IL16: variants seen among roughly 807,000 people sequenced by gnomAD.
IL16 encodes pro-interleukin-16.
In IL16, 67 loss-of-function variants were observed where a neutral mutation model predicts 110.1. The ratio of observed to expected loss-of-function variants is 0.61; its 90% CI spans 0.50 to 0.75. IL16 has a LOEUF of 0.75. Among genes scored for constraint, IL16 ranks in the 30% least tolerant of loss-of-function variants. The pLI is 0.00. For missense variants in IL16, 1,545 were observed against 1,655.0 expected, an observed-to-expected ratio of 0.93 and a Z score of 1.15; for synonymous variants, 689 against 662.9, an observed-to-expected ratio of 1.04 and a Z score of -0.61.
Position 81,300,069 on chromosome 15 carries a change from A to G in IL16, c.2743A>G (p.Arg915Gly). 3 of 1,567,752 alleles carry G rather than the reference A, an allele frequency of 1.9e-6. No individual in the cohort carries two copies. The highest frequency in any genetic ancestry group is 2.6e-6 in the Non-Finnish European group (3 of 1,159,020). The change falls in exon 14 of 19, where the codon AGA becomes GGA. Residue 915 changes from arginine (R) to glycine (G), a missense_variant. Around this residue, in one of 3 missense-constraint regions of IL16, gnomAD observed 1,185 missense variants for 1,238.8 expected, o/e 0.96. Coordinates refer to ENST00000683961, the MANE Select transcript of IL16 (RefSeq NM_172217.5). The part of the protein sequence containing the change: ...SSGSPAASEA[R>G]DPGVSESPPP... ...GGGGTCCCCTGCAGCCTCCGAGGCC[A>G]GAGACCCAGGTGTGTCTGAGTCCCC...
intron 2 of IL16, among the ~76,000 whole-genome samples, chr15:81,229,782 C>G (rs72478426): frequency 0.13 from 19,480 of 152,140 alleles, 1,552 homozygotes; most frequent in South Asian, 0.3. Context: ...CCTGCCTCCC[C>G]TCGCCAGAGT....
At chr15:81,302,492 G>A (rs78490044) in intron 15 of IL16, among the ~76,000 whole-genome samples, 86 of 152,278 alleles carry the variant, frequency 5.6e-4, no homozygotes, top group African/African-American at 2.1e-3. Context: ...TGAGAGAGTT[G>A]GGCTAGTGTT....
In IL16 at chr15:81,282,644, G is replaced by A. The variant is rs756994663; in HGVS notation, c.1087G>A (p.Gly363Ser). The A allele has an allele frequency of 2.5e-5, 40 of 1,611,936 alleles. No homozygotes were observed. The highest frequency in any genetic ancestry group is 6.7e-5 in the African/African-American group (5 of 74,932). The change falls in exon 9 of 19, where the codon GGC (glycine) becomes AGC (serine). Residue 363 changes from glycine (G) to serine (S), a missense_variant. Transcript: ENST00000683961. ...MVEVSLQKEA[G>S]VGLGIGLCSV... ...CCGCCCTGTTCTGCTTCCAGAGGCC[G>A]GCGTGGGCCTGGGCATCGGCCTGTG... is the stretch of plus-strand genomic sequence containing the variant.
chr15:81,304,739 C>A (rs904268748), intron 16 of IL16, among the ~76,000 whole-genome samples: 1 of 152,164 alleles, frequency 6.6e-6, no homozygotes. Context: ...CATTGAGGAA[C>A]CTGAGGCTCA....
intron 1 of IL16, among the ~76,000 whole-genome samples, chr15:81,219,747 C>G (rs997488433): frequency 6.6e-6 from 1 of 152,168 alleles, no homozygotes; most frequent in Non-Finnish European, 1.5e-5. Context: ...GGTTGGTTAC[C>G]TGGAGTGCAT....
At chr15:81,185,737 T>TGTAACAGGGAACTGGCCTA (rs1366795028) in intron 1 of IL16, among the ~76,000 whole-genome samples, 1 of 152,184 alleles carries the variant, frequency 6.6e-6, no homozygotes, top group Non-Finnish European at 1.5e-5. Flanking sequence ...TATGGGAGGC[T>TGTAACAGGGAACTGGCCTA]GTAACAGGGA....
At chr15:81,243,163 ATTTTTTT>A (rs1219851899) in intron 2 of IL16, among the ~76,000 whole-genome samples, 42 of 15,006 alleles carry the variant, frequency 2.8e-3, no homozygotes, top group African/African-American at 8.9e-3. Context: ...ATATATATAT[ATTTTTTT>A]TTTTTTTTTT....
chr15:81,309,033 AAG>A lies in IL16; in HGVS notation c.*240_*241del. 2.3e-6 allele frequency: 1 copy of A among 436,810 alleles called. No homozygotes were observed. The highest frequency in any genetic ancestry group is 4.0e-6 in the Non-Finnish European group (1 of 247,032). The allele number at this position is 436,810 out of a possible 1,614,324, so 27.1% of individuals were successfully genotyped here. The stretch of plus-strand genomic sequence containing the variant: ...TGATACAAATTGCAGACTGTGTAAA[AAG>A]AGAGCTTAATGATAATATTGTGGTG... On this transcript the variant is annotated 3_prime_UTR_variant, in exon 19 of 19. Coordinates refer to ENST00000683961, the MANE Select transcript of IL16 (RefSeq NM_172217.5).
chr15:81,198,388 TC>T (rs1221940663), intron 1 of IL16, among the ~76,000 whole-genome samples: 1 of 152,060 alleles, frequency 6.6e-6, no homozygotes, highest in East Asian at 1.9e-4. Flanking sequence ...CCAGCTTGAC[TC>T]CAAAATCCAT....
chr15:81,197,411 G>C (rs1258655150), intron 1 of IL16, among the ~76,000 whole-genome samples: 1 of 152,182 alleles, frequency 6.6e-6, no homozygotes, highest in Non-Finnish European at 1.5e-5. Context: ...GCTTGACCTG[G>C]CTCTGCAGCA....
rs1899078530 is a variant in IL16, at chr15:81,279,630, C to T, written c.937C>T (p.Leu313=). The change falls in exon 8 of 19, where the codon CTG becomes TTG. Residue 313 remains leucine (L), a synonymous_variant. Coordinates refer to ENST00000683961, the MANE Select transcript of IL16 (RefSeq NM_172217.5). ...LTAPPSLCSH[L]SPPLCRSLSS... is the part of the protein sequence containing the mutation. ...GGCGCCTCCTTCCCTGTGCAGCCAC[C>T]TGTCTCCCCCACTGTGCCGCTCCCT... 2.5e-6 allele frequency: 4 copies of T among 1,614,098 alleles called. No individual in the cohort carries two copies. The highest frequency in any genetic ancestry group is 3.3e-5 in the Admixed American group (2 of 60,016).
Position 81,299,996 on chromosome 15 carries a change from G to A in IL16, c.2670G>A (p.Gly890=). Residue 890 remains glycine (G), a synonymous_variant, in exon 14 of 19, where the codon GGG becomes GGA. Coordinates refer to ENST00000683961, the MANE Select transcript of IL16 (RefSeq NM_172217.5). ...EGRFSGLLGR[G]AAPTLVPQQP... ...GGTTTTCTGGACTCTTGGGGCGAGG[G>A]GCTGCACCCACTCTTGTGCCCCAGC... 1 of 1,592,162 alleles carries A rather than the reference G, an allele frequency of 6.3e-7. No homozygotes were observed. The highest frequency in any genetic ancestry group is 8.6e-7 in the Non-Finnish European group (1 of 1,168,760).
intron 1 of IL16, among the ~76,000 whole-genome samples, chr15:81,187,494 C>T (rs1378359257): frequency 6.6e-6 from 1 of 152,066 alleles, no homozygotes; most frequent in Non-Finnish European, 1.5e-5. Context: ...ACTTGGAAGG[C>T]CGAGGCAGGA....
At position 81,222,375 on chromosome 15, in the gene IL16, T is replaced by G. The variant is rs1247071270; in HGVS notation, c.-101-2924T>G. Among the ~76,000 whole-genome samples the G allele has an allele frequency of 2.4e-4, 18 of 75,372 alleles. No individual in the cohort carries two copies. In the Admixed American group the frequency reaches 2.7e-3, roughly 11 times the overall value. 49.4% of individuals were successfully genotyped at this position (75,372 alleles called of 152,430 possible). A position where few individuals can be genotyped will look rare whatever the true frequency, so the allele number is the denominator to read the frequency against. On this transcript the variant is annotated intron_variant, in intron 1 of 18. Transcript: ENST00000683961. ...GAGAAGAGCTACTATTCCAGGAGGG[T>G]TTTTTTTTTTTTTTTTAAGCAAAAA...
intron 6 of IL16, among the ~76,000 whole-genome samples, chr15:81,275,067 G>A (rs372551722): frequency 5.3e-5 from 8 of 152,024 alleles, no homozygotes; most frequent in African/African-American, 1.4e-4. Context: ...AGGGCGGGGC[G>A]GGTCAGAGAG....
At position 81,271,483 on chromosome 15, in the gene IL16, C is replaced by A. The variant is rs183436715; in HGVS notation, c.676-1607C>A. ...GGGAGACGCTATCTCTAATGAATAT[C>A]TCTGTGTGTATGTGTGTATATAGAT... On this transcript the variant is annotated intron_variant, in intron 5 of 18. Coordinates refer to ENST00000683961, the MANE Select transcript of IL16 (RefSeq NM_172217.5). 2.6e-3 allele frequency among the ~76,000 whole-genome samples: 389 copies of A among 152,006 alleles called. 2 individuals carry two copies. The highest frequency in any genetic ancestry group is 8.5e-3 in the African/African-American group (352 of 41,492).
Position 81,197,121 on chromosome 15 carries a change from G to A in IL16, c.-133G>A, listed in dbSNP as rs924762465. On this transcript the variant is annotated 5_prime_UTR_variant, in exon 1 of 19. Transcript: ENST00000683961. ...GAGCAAGGGAGATGGCAGCCCCGGG[G>A]GACTGTGCATAGGGAGGTAGGTGGG... 1.0e-5 allele frequency: 13 copies of A among 1,288,834 alleles called. No homozygotes were observed. The highest frequency in any genetic ancestry group is 1.3e-5 in the Non-Finnish European group (13 of 988,574). 79.8% of individuals were successfully genotyped at this position (1,288,834 alleles called of 1,614,324 possible). A position where few individuals can be genotyped will look rare whatever the true frequency, so the allele number is the denominator to read the frequency against.
intron 2 of IL16, among the ~76,000 whole-genome samples, chr15:81,232,758 A>G (rs1897052820): frequency 1.3e-5 from 2 of 152,174 alleles, no homozygotes; most frequent in Non-Finnish European, 2.9e-5. Flanking sequence ...TGGATTTGAT[A>G]TGCTAATATT....
intron 1 of IL16, among the ~76,000 whole-genome samples, chr15:81,206,454 C>T (rs954443): frequency 0.16 from 24,983 of 152,112 alleles, 4,701 homozygotes; most frequent in African/African-American, 0.46. Flanking sequence ...ACCATAATGA[C>T]TGCATTTTAA....
Sources: allele counts gnomAD v4.1 joint callset (sites outside exome capture counted in the v4.1 genomes callset), GRCh38; gene constraint gnomAD v4.1.1; regional missense constraint gnomAD v4.1.1; transcripts MANE v1.5; gene names NCBI Gene and HGNC (gene_info 2026-07-23, HGNC 2026-07-21).